Variants in NLGN1 observed in about 807,000 individuals in gnomAD.
NLGN1 encodes the protein neuroligin-1.
Under a neutral mutation model 65.5 loss-of-function variants are expected in NLGN1, and 12 were observed. The ratio of observed to expected loss-of-function variants is 0.18; its 90% CI spans 0.12 to 0.30. The LOEUF (loss-of-function observed/expected upper bound fraction) is 0.30, where lower values mean the gene tolerates loss of function less well. Among genes scored for constraint, NLGN1 ranks in the 10% least tolerant of loss-of-function variants. NLGN1 has a pLI of 1.00. For missense variants in NLGN1, 750 were observed against 1,007.1 expected (o/e 0.74, Z 3.46); for synonymous variants, 350 against 359.5 (o/e 0.97, Z 0.30).
intron 3 of NLGN1, among the ~76,000 whole-genome samples, chr3:173,667,022 C>T (rs1181648396): frequency 6.6e-6 from 1 of 152,060 alleles, no homozygotes; most frequent in East Asian, 1.9e-4. Context: ...AAAGAATAAA[C>T]ATAATCACAT....
At chr3:173,793,174 T>C (rs542923779) in intron 3 of NLGN1, among the ~76,000 whole-genome samples, 9 of 152,048 alleles carry the variant, frequency 5.9e-5, no homozygotes, top group Non-Finnish European at 1.0e-4. Flanking sequence ...ACAAAATGGA[T>C]TGGGAGAGAG....
chr3:174,265,242 A>G (rs1353433317), intron 4 of NLGN1, among the ~76,000 whole-genome samples: 1 of 151,614 alleles, frequency 6.6e-6, no homozygotes, highest in Non-Finnish European at 1.5e-5. Flanking sequence ...TGTTTACCTA[A>G]GCAAGCCTGG....
At chr3:174,062,823 C>T (rs182482388) in intron 4 of NLGN1, among the ~76,000 whole-genome samples, 295 of 152,080 alleles carry the variant, frequency 1.9e-3, no homozygotes, top group Non-Finnish European at 8.7e-4. Context: ...ACTCAGAATA[C>T]TATCATTATT....
downstream of NLGN1, among the ~76,000 whole-genome samples, chr3:174,287,718 A>G (rs1008407712): frequency 4.0e-5 from 6 of 151,518 alleles, no homozygotes; most frequent in African/African-American, 1.5e-4. Flanking sequence ...CTTTGCTCTC[A>G]GAGCTGCCTT....
chr3:173,957,806 C>T (rs1170885638), intron 4 of NLGN1, among the ~76,000 whole-genome samples: 5 of 152,190 alleles, frequency 3.3e-5, no homozygotes, highest in African/African-American at 4.8e-5. Flanking sequence ...GCCTTTGCCT[C>T]GGTTTTGCTT....
chr3:174,099,232 C>T (rs1053323876), intron 4 of NLGN1, among the ~76,000 whole-genome samples: 1 of 152,110 alleles, frequency 6.6e-6, no homozygotes, highest in African/African-American at 2.4e-5. Flanking sequence ...ACACCTGGCT[C>T]GAATCTCATA....
chr3:174,051,492 G>A (rs1734860466), intron 4 of NLGN1, among the ~76,000 whole-genome samples: 1 of 152,008 alleles, frequency 6.6e-6, no homozygotes. Flanking sequence ...CTAGCCATGA[G>A]GTAGATTTCT....
intron 3 of NLGN1, among the ~76,000 whole-genome samples, chr3:173,753,461 A>G (rs1282301860): frequency 6.6e-6 from 1 of 152,088 alleles, no homozygotes; most frequent in Non-Finnish European, 1.5e-5. Flanking sequence ...CACCATATCT[A>G]ATTTGCCAGC....
chr3:173,450,055 C>T (rs1319256991), intron 2 of NLGN1, among the ~76,000 whole-genome samples: 1 of 152,128 alleles, frequency 6.6e-6, no homozygotes, highest in Non-Finnish European at 1.5e-5. Flanking sequence ...GCATTTAGGC[C>T]ATTTACTTTT....
intron 4 of NLGN1, among the ~76,000 whole-genome samples, chr3:174,263,786 C>G (rs1188605029): frequency 1.3e-5 from 2 of 151,822 alleles, no homozygotes; most frequent in Admixed American, 1.3e-4. Flanking sequence ...TCTTGATGGT[C>G]TTTACATTTT....
intron 1 of NLGN1, among the ~76,000 whole-genome samples, chr3:173,419,511 A>T (rs1714571212): frequency 6.6e-6 from 1 of 151,666 alleles, no homozygotes; most frequent in African/African-American, 2.4e-5. Context: ...TGCCCTTTGG[A>T]TTTAGGCAGT....
At chr3:173,448,697 T>A (rs1319289184) in intron 2 of NLGN1, among the ~76,000 whole-genome samples, 2 of 152,148 alleles carry the variant, frequency 1.3e-5, no homozygotes, top group African/African-American at 4.8e-5. Flanking sequence ...GGTCCTGGGC[T>A]TTTTTTGGTT....
At chr3:173,948,289 C>G (rs1409496322) in intron 4 of NLGN1, among the ~76,000 whole-genome samples, 1 of 152,122 alleles carries the variant, frequency 6.6e-6, no homozygotes, top group Non-Finnish European at 1.5e-5. Context: ...AAATGTCAAG[C>G]ACATAGCACA....
At chr3:173,761,974 A>G (rs1175074597) in intron 3 of NLGN1, among the ~76,000 whole-genome samples, 1 of 152,100 alleles carries the variant, frequency 6.6e-6, no homozygotes, top group Non-Finnish European at 1.5e-5. Context: ...ATAATCCAAG[A>G]AAGCAGTTGA....
At chr3:173,456,399 C>T (rs1000117516) in intron 2 of NLGN1, among the ~76,000 whole-genome samples, 2 of 152,132 alleles carry the variant, frequency 1.3e-5, no homozygotes, top group East Asian at 3.9e-4. Flanking sequence ...CTACTGCTTA[C>T]TGCCTGAGTA....
chr3:173,759,149 C>A (rs768532075), intron 3 of NLGN1, among the ~76,000 whole-genome samples: 1 of 151,704 alleles, frequency 6.6e-6, no homozygotes, highest in Non-Finnish European at 1.5e-5. Flanking sequence ...TTTCCTTATT[C>A]TTTCATGTAA....
At chr3:174,023,712 T>A (rs1383185204) in intron 4 of NLGN1, among the ~76,000 whole-genome samples, 3 of 152,030 alleles carry the variant, frequency 2.0e-5, no homozygotes, top group East Asian at 1.9e-4. Context: ...AGCTGGGAAA[T>A]CGCAGTAGCA....
intron 4 of NLGN1, among the ~76,000 whole-genome samples, chr3:173,903,586 G>A (rs1478092278): frequency 6.6e-6 from 1 of 152,146 alleles, no homozygotes; most frequent in East Asian, 1.9e-4. Flanking sequence ...TGCAGATTGG[G>A]AAGAAGTGAT....
intron 3 of NLGN1, among the ~76,000 whole-genome samples, chr3:173,698,046 AAC>A (rs1453234247): frequency 3.5e-4 from 47 of 132,652 alleles, no homozygotes; most frequent in Admixed American, 4.6e-4. Flanking sequence ...AAAAAAAAAA[AAC>A]AAACTTATTT....
Sources: allele counts gnomAD v4.1 joint callset (sites outside exome capture counted in the v4.1 genomes callset), GRCh38; gene constraint gnomAD v4.1.1; transcripts MANE v1.5; gene names NCBI Gene and HGNC (gene_info 2026-07-23, HGNC 2026-07-21).